TAFA2: variants seen among roughly 807,000 people sequenced by gnomAD.
TAFA2 encodes chemokine-like protein TAFA-2.
A neutral mutation model predicts 18.8 loss-of-function variants in TAFA2; 7 were observed. The observed-to-expected ratio is 0.37, with a 90% CI of 0.21 to 0.70. The LOEUF is 0.70. Ranked by LOEUF, TAFA2 falls within the 30% of genes least tolerant of loss-of-function variation. The pLI is 0.53. For synonymous variants in TAFA2, 60 were observed against 54.2 expected (o/e 1.11, Z -0.47); for missense variants, 122 against 158.1 (o/e 0.77, Z 1.23).
chr12:61,762,949 T>G (rs1869624600), intron 2 of TAFA2, among the ~76,000 whole-genome samples: 1 of 152,188 alleles, frequency 6.6e-6, no homozygotes, highest in Admixed American at 6.6e-5. Flanking sequence ...AATAGGCAAC[T>G]GAAATGCGAG....
intron 1 of TAFA2, among the ~76,000 whole-genome samples, chr12:61,985,302 G>T (rs774034059): frequency 6.6e-6 from 1 of 152,196 alleles, no homozygotes; most frequent in South Asian, 2.1e-4. Context: ...TTCACTGGAA[G>T]TATATTTTGT....
At chr12:61,980,412 C>T (rs143906872) in intron 1 of TAFA2, among the ~76,000 whole-genome samples, 6,025 of 152,262 alleles carry the variant, frequency 0.04, 232 homozygotes, top group Non-Finnish European at 0.057. Context: ...CAAGGATGCC[C>T]TCTCTCACCG....
At chr12:62,138,205 G>A (rs527322533) in intron 1 of TAFA2, among the ~76,000 whole-genome samples, 22 of 152,204 alleles carry the variant, frequency 1.4e-4, no homozygotes, top group Non-Finnish European at 7.4e-5. Flanking sequence ...GATGGTTTGA[G>A]CCCAGGAGTT....
intron 2 of TAFA2, among the ~76,000 whole-genome samples, chr12:61,790,168 C>A (rs1299013126): frequency 4.3e-5 from 4 of 93,198 alleles, no homozygotes; most frequent in African/African-American, 1.7e-4. Flanking sequence ...ATTCAACATC[C>A]CTTCATGATA....
chr12:62,224,974 A>T (rs2062779688), intron 1 of TAFA2, among the ~76,000 whole-genome samples: 1 of 152,154 alleles, frequency 6.6e-6, no homozygotes, highest in South Asian at 2.1e-4. Context: ...CACGCCTGTA[A>T]TCCCAGCTAC....
chr12:62,116,020 C>T (rs1400607851), intron 1 of TAFA2, among the ~76,000 whole-genome samples: 1 of 152,056 alleles, frequency 6.6e-6, no homozygotes, highest in Admixed American at 6.6e-5. Flanking sequence ...AGGAAAGTAA[C>T]ATTTTAAATA....
intron 2 of TAFA2, among the ~76,000 whole-genome samples, chr12:61,858,585 G>A (rs1175602040): frequency 6.6e-6 from 1 of 151,788 alleles, no homozygotes; most frequent in African/African-American, 2.4e-5. Flanking sequence ...TGGGAATTTT[G>A]TTAAGAAACT....
chr12:62,147,316 GTGTATGTATGTATATATATATATATATA>G lies in TAFA2; in HGVS notation c.-2+43915_-2+43942del, dbSNP rs1295911750. ...TATATATGTATGCATGTGTGTGTGT[GTGTATGTATGTATATATATATATATATA>G]TATATATATATATATATATATATAT... On this transcript the variant is annotated intron_variant, in intron 1 of 4. Transcript: ENST00000416284. 2.2e-3 allele frequency among the ~76,000 whole-genome samples: 101 copies of G among 45,342 alleles called. 1 individual carries two copies. The highest frequency in any genetic ancestry group is 4.6e-3 in the Admixed American group (15 of 3,278). 29.7% of individuals were successfully genotyped at this position (45,342 alleles called of 152,430 possible).
At chr12:62,055,022 A>G (rs146680171) in intron 1 of TAFA2, among the ~76,000 whole-genome samples, 2 of 152,190 alleles carry the variant, frequency 1.3e-5, no homozygotes, top group Non-Finnish European at 2.9e-5. Context: ...CTAATGGTCA[A>G]TGTGATAGTA....
chr12:62,028,089 T>A (rs1305807703), intron 1 of TAFA2, among the ~76,000 whole-genome samples: 2 of 152,150 alleles, frequency 1.3e-5, no homozygotes, highest in Non-Finnish European at 2.9e-5. Flanking sequence ...GGCCACATTA[T>A]GGTTAGAAGA....
intron 4 of TAFA2, among the ~76,000 whole-genome samples, chr12:61,715,255 A>T (rs1444558421): frequency 6.6e-6 from 1 of 152,162 alleles, no homozygotes; most frequent in Non-Finnish European, 1.5e-5. Context: ...TTGTTATGTT[A>T]ATAATAAAAG....
At chr12:61,890,522 G>A (rs999286883) in intron 1 of TAFA2, 2 of 152,226 alleles carry the variant, frequency 1.3e-5, no homozygotes, top group Non-Finnish European at 2.9e-5. Flanking sequence ...TGGGGCAAGG[G>A]AAATGTCTAT....
intron 2 of TAFA2, among the ~76,000 whole-genome samples, chr12:61,829,936 T>A (rs1311280112): frequency 6.6e-6 from 1 of 151,712 alleles, no homozygotes; most frequent in African/African-American, 2.4e-5. Context: ...TTATTTTATA[T>A]CACAAACAAT....
In TAFA2 at chr12:61,992,317, A is replaced by G. The variant is rs114419590; in HGVS notation, c.-1-124891T>C. On this transcript the variant is annotated intron_variant, in intron 1 of 4. Coordinates refer to ENST00000416284, the MANE Select transcript of TAFA2 (RefSeq NM_178539.5). The stretch of plus-strand genomic sequence containing the variant: ...ATTTCAGCAAATGGAAACTCCATTC[A>G]GAAGAATCTTTACTGATTCCCCTCT... Among the ~76,000 whole-genome samples, 341 of 152,328 alleles carry G rather than the reference A, an allele frequency of 2.2e-3. 1 individual carries two copies. The highest frequency in any genetic ancestry group is 8.0e-3 in the African/African-American group (333 of 41,570).
intron 1 of TAFA2, among the ~76,000 whole-genome samples, chr12:62,231,854 A>C (rs2062813228): frequency 6.6e-6 from 1 of 152,152 alleles, no homozygotes; most frequent in South Asian, 2.1e-4. Flanking sequence ...CAAAGCTTTA[A>C]ATGTATTAGT....
chr12:61,951,960 T>C (rs946281021), intron 1 of TAFA2, among the ~76,000 whole-genome samples: 4 of 151,994 alleles, frequency 2.6e-5, no homozygotes, highest in Non-Finnish European at 4.4e-5. Flanking sequence ...TTTTAAACAA[T>C]GTAATTACCA....
Position 61,753,694 on chromosome 12 carries a change from T to A in TAFA2, c.312A>T (p.Gly104=). The change falls in exon 4 of 5, where the codon GGA becomes GGT. Residue 104 remains glycine (G), a synonymous_variant. Coordinates refer to ENST00000416284, the MANE Select transcript of TAFA2 (RefSeq NM_178539.5). The part of the protein sequence containing the change: ...WWCHMQPCLE[G]EECKVLPDRK... ...GATCCGGAAGAACTTTACATTCTTC[T>A]CCCTCTAGACATGGCTGCATATGGC... 6.2e-7 allele frequency: 1 copy of A among 1,612,364 alleles called. No individual in the cohort carries two copies. Among genetic ancestry groups the A allele is most frequent in the Non-Finnish European group, 8.5e-7 (1 of 1,178,828 alleles).
At chr12:61,758,024 G>T (rs566307763) in intron 2 of TAFA2, among the ~76,000 whole-genome samples, 1 of 152,036 alleles carries the variant, frequency 6.6e-6, no homozygotes, top group Admixed American at 6.6e-5. Context: ...AGGATTAACT[G>T]AGGATTAAAT....
chr12:62,042,422 TGTGTGTGC>T (rs369216867), intron 1 of TAFA2, among the ~76,000 whole-genome samples: 1 of 109,290 alleles, frequency 9.1e-6, no homozygotes, highest in African/African-American at 3.6e-5. Flanking sequence ...TGTGTGTGTG[TGTGTGTGC>T]GCGTGTGTGT....
Sources: allele counts gnomAD v4.1 joint callset (sites outside exome capture counted in the v4.1 genomes callset), GRCh38; gene constraint gnomAD v4.1.1; transcripts MANE v1.5; gene names NCBI Gene and HGNC (gene_info 2026-07-23, HGNC 2026-07-21).